The following ROBO1 variants were observed in gnomAD, a reference collection of about 807,000 sequenced individuals.
ROBO1 encodes the protein roundabout guidance receptor 1, also known as roundabout homolog 1.
ROBO1 carries 149 observed loss-of-function variants against 195.9 expected under a neutral mutation model. The observed-to-expected ratio is 0.76, with a 90% CI of 0.67 to 0.87. The LOEUF (loss-of-function observed/expected upper bound fraction) is 0.87. ROBO1 is among the 40% of genes least tolerant of loss of function. The pLI, the probability that ROBO1 is intolerant of heterozygous loss-of-function variation, is 0.00. For missense variants in ROBO1, 1,933 were observed against 2,068.3 expected (o/e 0.93, Z 1.27); for synonymous variants, 816 against 733.2 (o/e 1.11, Z -1.82).
intron 4 of ROBO1, among the ~76,000 whole-genome samples, chr3:78,906,647 C>T (rs1428089527): frequency 1.3e-5 from 2 of 152,022 alleles, no homozygotes; most frequent in East Asian, 3.9e-4. Flanking sequence ...CAGTTGTTCT[C>T]AAATGGTTTG....
chr3:78,717,310 T>C lies in ROBO1; in HGVS notation c.882A>G (p.Arg294=). The change falls in exon 7 of 31, where the codon CGA becomes CGG. Residue 294 remains arginine, a synonymous_variant. Transcript: ENST00000464233. ...EARGDPVPTV[R]WRKDDGELPK... ...GCAGCTCTCCATCATCTTTCCTCCA[T>C]CGTACTGTAGGTACAGGGTCACCTC... The C allele has an allele frequency of 6.3e-7, 1 of 1,599,364 alleles. No individual in the cohort carries two copies. The highest frequency in any genetic ancestry group is 8.5e-7 in the Non-Finnish European group (1 of 1,175,030).
chr3:78,662,412 T>C (rs3821601), intron 14 of ROBO1, among the ~76,000 whole-genome samples: 38,583 of 151,994 alleles, frequency 0.25, 5,095 homozygotes, highest in African/African-American at 0.32. Context: ...CCTCCTATCA[T>C]GTAACGATCA....
intron 1 of ROBO1, among the ~76,000 whole-genome samples, chr3:79,679,996 C>T (rs1344750922): frequency 6.6e-6 from 1 of 151,952 alleles, no homozygotes; most frequent in Non-Finnish European, 1.5e-5. Context: ...ATTATGCTTC[C>T]AATAACCCCC....
intron 2 of ROBO1, among the ~76,000 whole-genome samples, chr3:79,172,085 A>G (rs1200209631): frequency 1.3e-5 from 2 of 152,188 alleles, no homozygotes; most frequent in Non-Finnish European, 2.9e-5. Context: ...TAACAAGAAC[A>G]ACAGCAAAAA....
chr3:78,761,130 C>T (rs1027404864), intron 4 of ROBO1, among the ~76,000 whole-genome samples: 1 of 152,068 alleles, frequency 6.6e-6, no homozygotes, highest in Admixed American at 6.6e-5. Flanking sequence ...AATGCTTTCT[C>T]TGGAGATGTT....
At chr3:78,644,290 C>T (rs1253528227) in intron 21 of ROBO1, among the ~76,000 whole-genome samples, 1 of 152,050 alleles carries the variant, frequency 6.6e-6, no homozygotes, top group Admixed American at 6.6e-5. Flanking sequence ...GTTTATTATT[C>T]ATCTCGCATT....
intron 3 of ROBO1, among the ~76,000 whole-genome samples, chr3:78,974,336 AAAG>A (rs1361966447): frequency 2.0e-5 from 3 of 152,190 alleles, no homozygotes; most frequent in Admixed American, 1.3e-4. Context: ...AAATTAAAAA[AAAG>A]AAGAAGAAAA....
At chr3:78,852,722 T>C (rs2034143507) in intron 4 of ROBO1, among the ~76,000 whole-genome samples, 2 of 152,226 alleles carry the variant, frequency 1.3e-5, no homozygotes, top group Middle Eastern at 3.4e-3. Flanking sequence ...ATGAAGGCAA[T>C]AGGACCCTTT....
chr3:79,024,318 A>C (rs2108283888), intron 3 of ROBO1, among the ~76,000 whole-genome samples: 1 of 152,264 alleles, frequency 6.6e-6, no homozygotes, highest in Non-Finnish European at 1.5e-5. Flanking sequence ...TAATGTGAAG[A>C]GGGGGTGAGC....
chr3:79,417,896 G>T (rs2038069645), intron 2 of ROBO1, among the ~76,000 whole-genome samples: 1 of 152,096 alleles, frequency 6.6e-6, no homozygotes. Flanking sequence ...CAGCCAGGTG[G>T]CTATGCGTGT....
intron 1 of ROBO1, among the ~76,000 whole-genome samples, chr3:79,637,469 GAAA>G (rs71130604): frequency 6.7e-6 from 1 of 149,168 alleles, no homozygotes; most frequent in Non-Finnish European, 1.5e-5. Flanking sequence ...TTTTACATTG[GAAA>G]AAAAAAAGTC....
intron 1 of ROBO1, among the ~76,000 whole-genome samples, chr3:79,758,597 A>T (rs1049955648): frequency 6.6e-6 from 1 of 152,234 alleles, no homozygotes; most frequent in African/African-American, 2.4e-5. Flanking sequence ...ATAACAATAA[A>T]GTTATATCTT....
chr3:78,929,479 C>CATTTATTTATTTATTTATTTATTT (rs35081123), intron 4 of ROBO1, among the ~76,000 whole-genome samples: 2 of 144,274 alleles, frequency 1.4e-5, no homozygotes, highest in African/African-American at 5.1e-5. Flanking sequence ...TTTCCAGTAT[C>CATTTATTTATTTATTTATTTATTT]ATTTATTTAT....
intron 2 of ROBO1, among the ~76,000 whole-genome samples, chr3:79,492,427 G>GAAAAAAAAAAAAAAAAAAAAAAAAA (rs57495210): frequency 9.1e-6 from 1 of 109,544 alleles, no homozygotes; most frequent in Non-Finnish European, 1.8e-5. Flanking sequence ...CTCTGTTTCA[G>GAAAAAAAAAAAAAAAAAAAAAAAAA]AAAAAAAAAA....
intron 1 of ROBO1, among the ~76,000 whole-genome samples, chr3:79,735,985 G>A (rs1242132585): frequency 4.0e-5 from 6 of 151,634 alleles, no homozygotes; most frequent in Non-Finnish European, 8.8e-5. Flanking sequence ...TAAACAATAA[G>A]AAGTTAAAAA....
chr3:79,416,572 C>A (rs2038012073), intron 2 of ROBO1, among the ~76,000 whole-genome samples: 1 of 148,502 alleles, frequency 6.7e-6, no homozygotes, highest in Non-Finnish European at 1.5e-5. Context: ...CATGCCACTG[C>A]ACTCCAGCCT....
chr3:78,939,479 G>T (rs367887334), intron 3 of ROBO1, among the ~76,000 whole-genome samples: 2 of 150,736 alleles, frequency 1.3e-5, no homozygotes, highest in South Asian at 2.1e-4. Flanking sequence ...TTAGCCTGGC[G>T]TGGTGGCGGA....
chr3:79,383,310 C>T (rs959810642), intron 2 of ROBO1, among the ~76,000 whole-genome samples: 3 of 151,832 alleles, frequency 2.0e-5, no homozygotes, highest in African/African-American at 4.8e-5. Flanking sequence ...ATTATTATTA[C>T]GATTTTAATA....
In ROBO1 at chr3:79,104,782, G is replaced by T. The variant is rs574294698; in HGVS notation, c.172+20674C>A. Among the ~76,000 whole-genome samples the T allele has an allele frequency of 5.9e-5, 9 of 151,714 alleles. No individual in the cohort carries two copies. In the East Asian group the frequency reaches 1.7e-3, roughly 29 times the overall value. ...GAGTGAGAGAGACAACTGTCCCCTC[G>T]CCCTATCTTAATTGAAGAGCTACAA... On this transcript the variant is annotated intron_variant, in intron 3 of 30. Transcript: ENST00000464233.
Sources: allele counts gnomAD v4.1 joint callset (sites outside exome capture counted in the v4.1 genomes callset), GRCh38; gene constraint gnomAD v4.1.1; transcripts MANE v1.5; gene names NCBI Gene and HGNC (gene_info 2026-07-23, HGNC 2026-07-21).